Variants in MACROD2 observed in about 807,000 individuals in gnomAD.
MACROD2 encodes the protein ADP-ribose glycohydrolase MACROD2.
MACROD2 carries 36 observed loss-of-function variants against 70.4 expected under a neutral mutation model. The observed-to-expected ratio is 0.51, with a 90% confidence interval of 0.39 to 0.68. The LOEUF (loss-of-function observed/expected upper bound fraction) is 0.68. MACROD2 is among the 30% of genes least tolerant of loss of function. The pLI, the probability that MACROD2 is intolerant of heterozygous loss-of-function variation, is 0.00. For synonymous variants in MACROD2, 172 were observed against 178.8 expected, an observed-to-expected ratio of 0.96 and a Z score of 0.30; for missense variants, 496 against 538.4, an observed-to-expected ratio of 0.92 and a Z score of 0.78.
At chr20:15,276,605 T>A (rs2077395652) in intron 6 of MACROD2, among the ~76,000 whole-genome samples, 1 of 152,188 alleles carries the variant, frequency 6.6e-6, no homozygotes, top group African/African-American at 2.4e-5. Context: ...CGGGGCCCTT[T>A]CTTCTCTCAA....
Position 14,401,525 on chromosome 20 carries a change from T to C in MACROD2, c.272-91954T>C, listed in dbSNP as rs1275150256. On this transcript the variant is annotated intron_variant, in intron 3 of 17. Transcript: ENST00000684519. ...GTATTTTTTTCCATTAATCCAAATATGAATCTAAATAAGTCACACTTATTT... is the reference window on the plus strand; with the variant it reads ...GTATTTTTTTCCATTAATCCAAATACGAATCTAAATAAGTCACACTTATTT... Among the ~76,000 whole-genome samples, 3 of 152,194 alleles carry C rather than the reference T, an allele frequency of 2.0e-5. No individual in the cohort carries two copies. In the East Asian group the frequency reaches 5.8e-4, roughly 29 times the overall value.
chr20:14,664,194 A>G (rs1222240741), intron 4 of MACROD2, among the ~76,000 whole-genome samples: 21 of 152,146 alleles, frequency 1.4e-4, no homozygotes, highest in Admixed American at 1.3e-3. Context: ...TCACATGTGC[A>G]TCAAATACCA....
At chr20:14,903,128 G>T (rs1294655274) in intron 5 of MACROD2, among the ~76,000 whole-genome samples, 1 of 135,834 alleles carries the variant, frequency 7.4e-6, no homozygotes, top group Non-Finnish European at 1.5e-5. Flanking sequence ...TGCAACCTGT[G>T]TCTCCCGGAT....
chr20:14,845,415 A>C (rs2073129677), intron 5 of MACROD2, among the ~76,000 whole-genome samples: 1 of 152,084 alleles, frequency 6.6e-6, no homozygotes, highest in Non-Finnish European at 1.5e-5. Context: ...CAGCAAAAAG[A>C]CAGGAGTATA....
chr20:14,040,242 G>T (rs1387595990), intron 2 of MACROD2, among the ~76,000 whole-genome samples: 1 of 152,124 alleles, frequency 6.6e-6, no homozygotes, highest in Non-Finnish European at 1.5e-5. Flanking sequence ...GTTATATATA[G>T]CATAGCCTAT....
intron 5 of MACROD2, among the ~76,000 whole-genome samples, chr20:14,909,818 C>G (rs1036468373): frequency 6.6e-6 from 1 of 151,500 alleles, no homozygotes; most frequent in Non-Finnish European, 1.5e-5. Context: ...TTTTTCCTTC[C>G]TCTATGATCT....
chr20:15,317,541 A>T (rs191333521), intron 6 of MACROD2, among the ~76,000 whole-genome samples: 2 of 144,984 alleles, frequency 1.4e-5, no homozygotes, highest in Admixed American at 1.4e-4. Flanking sequence ...ATCTATCTCT[A>T]TCAAGATATT....
chr20:14,658,535 C>T (rs6110379), intron 4 of MACROD2, among the ~76,000 whole-genome samples: 1,557 of 152,266 alleles, frequency 0.01, 22 homozygotes, highest in African/African-American at 0.035. Context: ...CAATCTAAAC[C>T]CAGTACTATT....
chr20:14,643,274 CTTAACATTA>C (rs1427482634), intron 4 of MACROD2, among the ~76,000 whole-genome samples: 1 of 152,136 alleles, frequency 6.6e-6, no homozygotes, highest in Non-Finnish European at 1.5e-5. Context: ...ATTGCAGTCT[CTTAACATTA>C]TTATTATGTC....
intron 6 of MACROD2, among the ~76,000 whole-genome samples, chr20:15,395,828 C>A (rs1568774443): frequency 6.6e-6 from 1 of 152,204 alleles, no homozygotes; most frequent in Non-Finnish European, 1.5e-5. Flanking sequence ...CCTTCTATCT[C>A]TCTGCTGCTC....
intron 6 of MACROD2, among the ~76,000 whole-genome samples, chr20:15,234,927 T>A (rs1199659601): frequency 6.6e-6 from 1 of 152,222 alleles, no homozygotes; most frequent in Non-Finnish European, 1.5e-5. Context: ...AAATATTTTG[T>A]AATGATTTTT....
At chr20:14,042,827 C>A (rs1019833378) in intron 2 of MACROD2, among the ~76,000 whole-genome samples, 2 of 152,088 alleles carry the variant, frequency 1.3e-5, no homozygotes, top group Non-Finnish European at 2.9e-5. Flanking sequence ...ACACTATCTA[C>A]CTGAAGACAG....
At chr20:14,853,173 C>CTGTGTGTG (rs147348353) in intron 5 of MACROD2, among the ~76,000 whole-genome samples, 30 of 149,346 alleles carry the variant, frequency 2.0e-4, no homozygotes, top group African/African-American at 6.2e-4. Flanking sequence ...GTGTGTGTGT[C>CTGTGTGTG]TGTGTGTGTG....
At chr20:14,865,675 G>A (rs1330228497) in intron 5 of MACROD2, among the ~76,000 whole-genome samples, 1 of 151,932 alleles carries the variant, frequency 6.6e-6, no homozygotes, top group Non-Finnish European at 1.5e-5. Flanking sequence ...AATAATAAAT[G>A]TACCCTTAAA....
intron 4 of MACROD2, among the ~76,000 whole-genome samples, chr20:14,670,544 C>A (rs529727932): frequency 6.6e-6 from 1 of 152,276 alleles, no homozygotes; most frequent in African/African-American, 2.4e-5. Flanking sequence ...TAATTTAACA[C>A]TTCTGTAATG....
At chr20:14,968,825 G>T (rs1280454028) in intron 5 of MACROD2, among the ~76,000 whole-genome samples, 3 of 152,182 alleles carry the variant, frequency 2.0e-5, no homozygotes, top group Non-Finnish European at 4.4e-5. Flanking sequence ...CTCATCTGTT[G>T]CTGTCTCCCA....
intron 5 of MACROD2, among the ~76,000 whole-genome samples, chr20:14,993,534 GA>G (rs1166373387): frequency 6.6e-6 from 1 of 152,016 alleles, no homozygotes; most frequent in East Asian, 1.9e-4. Flanking sequence ...CTAAGTTAGA[GA>G]TAAAACAATT....
intron 3 of MACROD2, among the ~76,000 whole-genome samples, chr20:14,224,666 G>T (rs2081715477): frequency 6.6e-6 from 1 of 152,156 alleles, no homozygotes; most frequent in African/African-American, 2.4e-5. Context: ...CTTGTTTAGA[G>T]GTCATTTATT....
chr20:15,964,709 A>C (rs1044829250), intron 12 of MACROD2, among the ~76,000 whole-genome samples: 1 of 152,232 alleles, frequency 6.6e-6, no homozygotes, highest in Non-Finnish European at 1.5e-5. Flanking sequence ...AATATAATGT[A>C]ATGAGATCCA....
Sources: gnomAD v4.1 joint callset for allele counts (sites outside exome capture counted in the v4.1 genomes callset) on GRCh38, gnomAD v4.1.1 for gene constraint, MANE v1.5 for transcripts, NCBI Gene and HGNC (gene_info 2026-07-23, HGNC 2026-07-21) for gene names.